ERC2: variants seen among roughly 807,000 people sequenced by gnomAD.
ERC2 encodes the protein ELKS/RAB6-interacting/CAST family member 2.
A neutral mutation model predicts 114.8 loss-of-function variants in ERC2; 42 were observed. That is an observed-to-expected ratio of 0.37 (90% CI 0.29 to 0.47). The LOEUF is 0.47. Among genes scored for constraint, ERC2 ranks in the 20% least tolerant of loss-of-function variants. The pLI is 0.99. For synonymous variants in ERC2, 454 were observed against 425.5 expected (o/e 1.07, Z -0.82); for missense variants, 939 against 1,150.7 (o/e 0.82, Z 2.66).
At chr3:56,313,623 A>G (rs1291876651) in intron 2 of ERC2, among the ~76,000 whole-genome samples, 1 of 152,194 alleles carries the variant, frequency 6.6e-6, no homozygotes. Flanking sequence ...AAAAGAAGGA[A>G]GCAGTACGCA....
At chr3:56,171,534 C>T (rs2082665719) in intron 4 of ERC2, among the ~76,000 whole-genome samples, 1 of 152,140 alleles carries the variant, frequency 6.6e-6, no homozygotes, top group Non-Finnish European at 1.5e-5. Flanking sequence ...AAATTAGCAA[C>T]ACTGGCATCC....
chr3:56,352,637 C>T (rs1023295691), intron 2 of ERC2, among the ~76,000 whole-genome samples: 2 of 152,142 alleles, frequency 1.3e-5, no homozygotes, highest in African/African-American at 4.8e-5. Context: ...ATATTTATTT[C>T]AGTTTCTGTG....
chr3:55,537,133 C>T (rs1057060328), intron 17 of ERC2, among the ~76,000 whole-genome samples: 3 of 152,162 alleles, frequency 2.0e-5, no homozygotes, highest in South Asian at 2.1e-4. Flanking sequence ...GCTGGGAGGC[C>T]GCATGGGCTC....
intron 3 of ERC2, among the ~76,000 whole-genome samples, chr3:56,202,470 A>C (rs903626197): frequency 4.0e-5 from 6 of 149,796 alleles, no homozygotes; most frequent in Non-Finnish European, 7.4e-5. Context: ...TGCAAACATA[A>C]TAGGGTATTC....
chr3:56,261,494 C>A (rs371088319), intron 3 of ERC2, among the ~76,000 whole-genome samples: 5 of 152,124 alleles, frequency 3.3e-5, no homozygotes, highest in Non-Finnish European at 7.4e-5. Flanking sequence ...CTCTCCTACA[C>A]CCCAGCCATT....
intron 12 of ERC2, among the ~76,000 whole-genome samples, chr3:55,978,259 T>C (rs2069755832): frequency 6.6e-6 from 1 of 152,158 alleles, no homozygotes; most frequent in East Asian, 1.9e-4. Flanking sequence ...TTAAAATAAG[T>C]CCTTATATAG....
intron 12 of ERC2, among the ~76,000 whole-genome samples, chr3:55,975,546 T>G (rs2069516660): frequency 1.3e-5 from 2 of 152,164 alleles, no homozygotes; most frequent in African/African-American, 2.4e-5. Flanking sequence ...TTAAAAAAAT[T>G]TCATTAATTA....
At chr3:55,683,556 G>A (rs1020565395) in intron 17 of ERC2, among the ~76,000 whole-genome samples, 10 of 152,034 alleles carry the variant, frequency 6.6e-5, no homozygotes, top group Non-Finnish European at 1.0e-4. Flanking sequence ...CATTTGAATC[G>A]TGCTAAACCC....
chr3:56,466,727 C>T (rs951408551), intron 1 of ERC2, among the ~76,000 whole-genome samples: 4 of 152,134 alleles, frequency 2.6e-5, no homozygotes, highest in African/African-American at 9.7e-5. Flanking sequence ...AGAACGTTTG[C>T]CGGCTCCAAA....
At chr3:56,328,167 C>A (rs922235205) in intron 2 of ERC2, among the ~76,000 whole-genome samples, 7 of 152,118 alleles carry the variant, frequency 4.6e-5, no homozygotes, top group African/African-American at 1.7e-4. Context: ...GGGAGGGCTC[C>A]ATGCAGAAGA....
At chr3:56,458,677 C>A (rs1391751460) in intron 1 of ERC2, among the ~76,000 whole-genome samples, 1 of 152,088 alleles carries the variant, frequency 6.6e-6, no homozygotes, top group African/African-American at 2.4e-5. Flanking sequence ...CACTACCCAA[C>A]CTCCTGCTTC....
intron 13 of ERC2, among the ~76,000 whole-genome samples, chr3:55,889,884 A>T (rs1474035204): frequency 6.6e-6 from 1 of 152,218 alleles, no homozygotes; most frequent in Non-Finnish European, 1.5e-5. Context: ...CATGAAATTT[A>T]TTCAGAATAA....
Position 56,115,848 on chromosome 3 carries a change from C to T in ERC2, c.1473+23661G>A, listed in dbSNP as rs116886057. Among the ~76,000 whole-genome samples the T allele has an allele frequency of 3.9e-5, 6 of 152,244 alleles. No homozygotes were observed. In the East Asian group the frequency reaches 9.7e-4, roughly 25 times the overall value. Reference sequence around the variant, plus strand: ...AAGCCAACCATCCAGAACCCTCACCCTACCACCTCCTGCATTAGGAGCACA... The same window carrying T: ...AAGCCAACCATCCAGAACCCTCACCTTACCACCTCCTGCATTAGGAGCACA... On this transcript the variant is annotated intron_variant, in intron 6 of 17. Transcript: ENST00000288221.
chr3:55,954,081 TAAAAAAAAAAAAAAAAA>T (rs58512381), intron 12 of ERC2, among the ~76,000 whole-genome samples: 8 of 50,358 alleles, frequency 1.6e-4, no homozygotes, highest in African/African-American at 6.8e-4. Flanking sequence ...CTCCATTATT[TAAAAAAAAAAAAAAAAA>T]AAAAAAAAAA....
chr3:55,792,437 G>A (rs1031056697), intron 14 of ERC2, among the ~76,000 whole-genome samples: 1 of 152,122 alleles, frequency 6.6e-6, no homozygotes, highest in Non-Finnish European at 1.5e-5. Context: ...TAATTTTATT[G>A]TTGACAAATG....
chr3:56,412,203 G>T (rs2060967986), intron 2 of ERC2, among the ~76,000 whole-genome samples: 1 of 152,192 alleles, frequency 6.6e-6, no homozygotes, highest in Non-Finnish European at 1.5e-5. Context: ...CAAGCCAAGG[G>T]CTGCTGGCAG....
intron 11 of ERC2, among the ~76,000 whole-genome samples, chr3:55,989,452 T>G (rs1197094026): frequency 1.3e-5 from 2 of 152,348 alleles, no homozygotes; most frequent in African/African-American, 4.8e-5. Flanking sequence ...CATCTAAGCG[T>G]GAAGCACATC....
intron 13 of ERC2, among the ~76,000 whole-genome samples, chr3:55,894,578 C>A (rs533397330): frequency 6.6e-6 from 1 of 152,168 alleles, no homozygotes; most frequent in Admixed American, 6.5e-5. Flanking sequence ...CAAACTTCAT[C>A]CCCCTTCTTC....
At chr3:56,285,032 T>TACAC (rs10575135) in intron 3 of ERC2, among the ~76,000 whole-genome samples, 2,072 of 106,822 alleles carry the variant, frequency 0.019, 65 homozygotes, top group Admixed American at 0.077. Flanking sequence ...CACACACACA[T>TACAC]ACACACACAC....
Sources: allele counts gnomAD v4.1 joint callset (sites outside exome capture counted in the v4.1 genomes callset), GRCh38; gene constraint gnomAD v4.1.1; transcripts MANE v1.5; gene names NCBI Gene and HGNC (gene_info 2026-07-23, HGNC 2026-07-21).